ZYG11A: variants seen among roughly 807,000 people sequenced by gnomAD.
ZYG11A encodes zyg-11 family member A, cell cycle regulator.
ZYG11A carries 62 observed loss-of-function variants against 77.2 expected under a neutral mutation model. The ratio of observed to expected loss-of-function variants is 0.80; its 90% CI spans 0.65 to 0.99. The LOEUF is 0.99. Ranked by LOEUF, ZYG11A falls within the 50% of genes least tolerant of loss-of-function variation. The pLI is 0.00. For missense variants in ZYG11A, 828 were observed against 896.8 expected (o/e 0.92, Z 0.98); for synonymous variants, 315 against 324.6 (o/e 0.97, Z 0.32).
At position 52,886,699 on chromosome 1, in the gene ZYG11A, A is replaced by ATTTTTTT. The variant is rs386366962; in HGVS notation, c.2007-235_2007-229dup. On this transcript the variant is annotated intron_variant, in intron 12 of 13. Transcript: ENST00000371528. ...AGGCGTGTGCCACCAGGCCCAGCTA[A>ATTTTTTT]TTTTTTTTTTTTTTTTTTTTTTTTT... Among the ~76,000 whole-genome samples, 121 of 69,132 alleles carry ATTTTTTT rather than the reference A, an allele frequency of 1.8e-3. 4 individuals are homozygous for ATTTTTTT. Among genetic ancestry groups the ATTTTTTT allele is most frequent in the Middle Eastern group, 0.016 (1 of 62 alleles). The allele number at this position is 69,132 out of a possible 152,430, so 45.4% of individuals were successfully genotyped here. A position where few individuals can be genotyped will look rare whatever the true frequency, so the allele number is the denominator to read the frequency against.
In ZYG11A at chr1:52,857,662, A is replaced by AT; in HGVS notation, c.921_922insT (p.Arg308SerfsTer20). 1 of 1,552,208 alleles carries AT rather than the reference A, an allele frequency of 6.4e-7. No homozygotes were observed. On this transcript the variant is annotated frameshift_variant, in exon 3 of 14. Coordinates refer to ENST00000371528, the MANE Select transcript of ZYG11A (RefSeq NM_001004339.3). LOFTEE classifies it high-confidence loss of function. ...CTGATGAAGCTGTAGAACTGTTTATACGACTGCGGCCTGCCATGCAATTTG... is the reference window on the plus strand; with the variant it reads ...CTGATGAAGCTGTAGAACTGTTTATATCGACTGCGGCCTGCCATGCAATTTG...
chr1:52,878,830 T>C (rs1035476632), intron 10 of ZYG11A, among the ~76,000 whole-genome samples: 3 of 151,716 alleles, frequency 2.0e-5, no homozygotes, highest in African/African-American at 4.9e-5. Flanking sequence ...TCCCAGCTAC[T>C]TGGGAGGCTG....
At chr1:52,872,569 ATATTATT>A (rs1557448112) in intron 8 of ZYG11A, among the ~76,000 whole-genome samples, 2 of 150,768 alleles carry the variant, frequency 1.3e-5, no homozygotes, top group African/African-American at 4.8e-5. Flanking sequence ...TTTATTAATT[ATATTATT>A]TATTATTTAA....
At chr1:52,846,310 T>A (rs554534) in intron 1 of ZYG11A, among the ~76,000 whole-genome samples, 584 of 35,576 alleles carry the variant, frequency 0.016, 48 homozygotes, top group African/African-American at 0.019. Flanking sequence ...TTTTAAATTT[T>A]TATATATATA....
At chr1:52,846,374 A>G (rs1645585803) in intron 1 of ZYG11A, among the ~76,000 whole-genome samples, 1 of 135,108 alleles carries the variant, frequency 7.4e-6, no homozygotes. Flanking sequence ...ATATTTTGAA[A>G]CAGAGTCTCA....
chr1:52,864,570 C>T (rs79620985), intron 5 of ZYG11A, among the ~76,000 whole-genome samples: 2,730 of 152,076 alleles, frequency 0.018, 44 homozygotes, highest in Middle Eastern at 0.078. Context: ...GGTTTTTCAT[C>T]CTATTAGAGA....
At chr1:52,843,185 G>C (rs1018059784) in intron 1 of ZYG11A, among the ~76,000 whole-genome samples, 3 of 152,136 alleles carry the variant, frequency 2.0e-5, no homozygotes, top group Non-Finnish European at 2.9e-5. Context: ...GGAGCGGGGG[G>C]TGCTTTTCTG....
chr1:52,861,576 C>T (rs1645927839), intron 4 of ZYG11A, among the ~76,000 whole-genome samples: 1 of 152,056 alleles, frequency 6.6e-6, no homozygotes, highest in Non-Finnish European at 1.5e-5. Context: ...TGGTGGCGCA[C>T]TCCTATAGTC....
intron 5 of ZYG11A, 30 bp from the exon 6 acceptor site, chr1:52,866,473 T>A: frequency 8.0e-7 from 1 of 1,251,048 alleles, no homozygotes; most frequent in Middle Eastern, 1.8e-4. Context: ...TTACATTTGT[T>A]CAAAATTATT....
At chr1:52,864,269 A>G in intron 5 of ZYG11A, 112 bp downstream of exon 5, 1 of 1,117,402 alleles carries the variant, frequency 8.9e-7, no homozygotes, top group Non-Finnish European at 1.3e-6. Context: ...TTTTAAAGAC[A>G]GAGTCTCTCT....
intron 4 of ZYG11A, among the ~76,000 whole-genome samples, chr1:52,862,763 GTTC>G (rs1645954690): frequency 1.3e-5 from 2 of 152,036 alleles, no homozygotes; most frequent in African/African-American, 4.8e-5. Flanking sequence ...TGAATTAGAT[GTTC>G]TTCTGTTTTT....
chr1:52,848,465 G>C (rs1362361764), intron 1 of ZYG11A, among the ~76,000 whole-genome samples: 2 of 151,994 alleles, frequency 1.3e-5, no homozygotes, highest in Non-Finnish European at 2.9e-5. Context: ...GAAATCAGTG[G>C]GTTTATATCT....
chr1:52,892,822 G>A lies in ZYG11A; in HGVS notation c.2145G>A (p.Leu715=). 6.4e-7 allele frequency: 1 copy of A among 1,551,658 alleles called. No homozygotes were observed. ...YCKMLVEEEG[L]QLLCDIQEHS... is the part of the protein sequence containing the mutation. Reference sequence around the variant, plus strand: ...AAATGTTAGTTGAAGAAGAAGGATTGCAGCTTTTGTGTGATATCCAGGAGC... The same window carrying A: ...AAATGTTAGTTGAAGAAGAAGGATTACAGCTTTTGTGTGATATCCAGGAGC... The change falls in exon 14 of 14, where the codon TTG becomes TTA. Residue 715 remains leucine, a synonymous_variant. Coordinates refer to ENST00000371528, the MANE Select transcript of ZYG11A (RefSeq NM_001004339.3).
chr1:52,877,932 C>T lies in ZYG11A; in HGVS notation c.1712C>T (p.Ser571Leu). The change falls in exon 10 of 14, where the codon TCA becomes TTA. Residue 571 changes from serine (S) to leucine (L), a missense_variant. Coordinates refer to ENST00000371528, the MANE Select transcript of ZYG11A (RefSeq NM_001004339.3). ...QIFIQVLETF[S>L]ESAIQSKVLG... ...TATATATTTTTTTGACAGACCTTTT[C>T]AGAGTCAGCAATACAAAGCAAAGTA... is the stretch of plus-strand genomic sequence containing the variant. 1 of 1,551,554 alleles carries T rather than the reference C, an allele frequency of 6.4e-7. No individual in the cohort carries two copies. Among genetic ancestry groups the T allele is most frequent in the South Asian group, 1.2e-5 (1 of 84,042 alleles).
At chr1:52,872,072 CA>C (rs1646177472) in intron 8 of ZYG11A, among the ~76,000 whole-genome samples, 1 of 152,134 alleles carries the variant, frequency 6.6e-6, no homozygotes, top group Admixed American at 6.5e-5. Context: ...GAATAAAAAT[CA>C]AGAGTGATTT....
intron 8 of ZYG11A, among the ~76,000 whole-genome samples, chr1:52,874,489 C>T (rs1297792262): frequency 2.0e-5 from 3 of 152,044 alleles, no homozygotes; most frequent in East Asian, 1.9e-4. Flanking sequence ...TGGGCTCAAG[C>T]GATTCTCCTG....
Position 52,893,186 on chromosome 1 carries a change from T to C in ZYG11A, c.*229T>C. 1 of 483,538 alleles carries C rather than the reference T, an allele frequency of 2.1e-6. No individual in the cohort carries two copies. The highest frequency in any genetic ancestry group is 2.6e-5 in the South Asian group (1 of 38,564). 30.0% of individuals were successfully genotyped at this position (483,538 alleles called of 1,614,324 possible). A position where few individuals can be genotyped will look rare whatever the true frequency, so the allele number is the denominator to read the frequency against. ...GCAGCAATTTTGAAGACTCAAACCG[T>C]GGACTCTGGGAAGGCCTGGGAGCTT... is the stretch of plus-strand genomic sequence containing the variant. On this transcript the variant is annotated 3_prime_UTR_variant, in exon 14 of 14. Transcript: ENST00000371528.
At position 52,854,631 on chromosome 1, in the gene ZYG11A, G is replaced by T; in HGVS notation, c.256+1G>T. On this transcript the variant is annotated splice_donor_variant, in intron 2 of 13. Transcript: ENST00000371528. LOFTEE classifies it high-confidence loss of function. ...TTTCTCAGGGTGATGACTTGGCAAG[G>T]TAGTGATAAGGCTTCTCTAAAGTCA... 6.5e-7 allele frequency: 1 copy of T among 1,528,792 alleles called. No individual in the cohort carries two copies. Among genetic ancestry groups the T allele is most frequent in the Non-Finnish European group, 8.8e-7 (1 of 1,130,902 alleles). The allele number at this position is 1,528,792 out of a possible 1,614,324, so 94.7% of individuals were successfully genotyped here.
chr1:52,883,692 G>C (rs548562131), intron 11 of ZYG11A, among the ~76,000 whole-genome samples: 27 of 152,234 alleles, frequency 1.8e-4, no homozygotes, highest in African/African-American at 6.5e-4. Flanking sequence ...CTCCAAAAGT[G>C]CTGGGATTAC....
Sources: gnomAD v4.1 joint callset for allele counts (sites outside exome capture counted in the v4.1 genomes callset) on GRCh38, gnomAD v4.1.1 for gene constraint, MANE v1.5 for transcripts, NCBI Gene and HGNC (gene_info 2026-07-23, HGNC 2026-07-21) for gene names.